The following QTMAN variants were observed in gnomAD, a reference collection of about 807,000 sequenced individuals.
QTMAN encodes the protein queuosine-tRNA mannosyltransferase.
At chr2:144,014,413 A>G in the QTMAN span, among the ~76,000 whole-genome samples, 1 of 152,166 alleles carries the variant, frequency 6.6e-6, no homozygotes, top group Non-Finnish European at 1.5e-5. Context: ...TAAAGCCAAC[A>G]TGAAATACAG....
At chr2:144,294,689 T>C in the QTMAN span, among the ~76,000 whole-genome samples, 1 of 152,168 alleles carries the variant, frequency 6.6e-6, no homozygotes. Context: ...TATAGCTATA[T>C]ATAAGTAATC....
At chr2:144,092,906 TG>T in the QTMAN span, among the ~76,000 whole-genome samples, 1 of 151,590 alleles carries the variant, frequency 6.6e-6, no homozygotes, top group Non-Finnish European at 1.5e-5. Flanking sequence ...TGTGTGTGTG[TG>T]TGTAGGAAAC....
the QTMAN span, among the ~76,000 whole-genome samples, chr2:144,321,066 T>C: frequency 2.0e-5 from 3 of 152,216 alleles, no homozygotes; most frequent in Admixed American, 6.5e-5. Flanking sequence ...ACATCTCTTA[T>C]GTTTTAGCAT....
chr2:144,249,760 C>G, the QTMAN span, among the ~76,000 whole-genome samples: 1 of 152,090 alleles, frequency 6.6e-6, no homozygotes, highest in Non-Finnish European at 1.5e-5. Flanking sequence ...GAGTGGACAA[C>G]GCAGAAAACT....
the QTMAN span, among the ~76,000 whole-genome samples, chr2:144,025,982 C>T: frequency 4.0e-5 from 6 of 149,762 alleles, no homozygotes; most frequent in East Asian, 1.3e-3. Context: ...CTCAGATCTT[C>T]TTCTTGTGGG....
chr2:143,949,897 C>G, the QTMAN span, among the ~76,000 whole-genome samples: 3 of 151,624 alleles, frequency 2.0e-5, no homozygotes, highest in Non-Finnish European at 4.4e-5. Flanking sequence ...ATCTGTGGTC[C>G]TTCCTGTGCT....
the QTMAN span, among the ~76,000 whole-genome samples, chr2:143,955,027 A>ATTAC: frequency 6.6e-6 from 1 of 152,178 alleles, no homozygotes; most frequent in African/African-American, 2.4e-5. Context: ...GCTTGGCTGA[A>ATTAC]TTACTTTTCT....
At chr2:144,049,927 T>C in the QTMAN span, among the ~76,000 whole-genome samples, 3 of 152,190 alleles carry the variant, frequency 2.0e-5, no homozygotes, top group African/African-American at 4.8e-5. Context: ...AGCAGGCACA[T>C]AGTAAGTTTA....
the QTMAN span, among the ~76,000 whole-genome samples, chr2:144,197,435 C>A: frequency 6.6e-6 from 1 of 151,978 alleles, no homozygotes; most frequent in Non-Finnish European, 1.5e-5. Flanking sequence ...AGAACATTTA[C>A]GTGCATGGAG....
chr2:143,968,220 T>C, the QTMAN span, among the ~76,000 whole-genome samples: 18 of 152,312 alleles, frequency 1.2e-4, no homozygotes, highest in South Asian at 3.7e-3. Context: ...GAAAAAAATC[T>C]CTGTTGCTAC....
At chr2:143,977,362 C>T in the QTMAN span, among the ~76,000 whole-genome samples, 1 of 152,108 alleles carries the variant, frequency 6.6e-6, no homozygotes, top group South Asian at 2.1e-4. Context: ...CCTCCTACAC[C>T]GTGTCTCCAC....
chr2:144,158,408 GTAGTGGA>G, the QTMAN span, among the ~76,000 whole-genome samples: 1 of 151,926 alleles, frequency 6.6e-6, no homozygotes, highest in African/African-American at 2.4e-5. Context: ...TCAACAGCAG[GTAGTGGA>G]TATGCTACCT....
chr2:144,193,551 C>T, the QTMAN span, among the ~76,000 whole-genome samples: 3 of 150,856 alleles, frequency 2.0e-5, no homozygotes, highest in South Asian at 4.2e-4. Flanking sequence ...GAGAAGGTCT[C>T]GCTCTGTCAC....
the QTMAN span, among the ~76,000 whole-genome samples, chr2:144,324,081 T>C: frequency 6.6e-6 from 1 of 152,194 alleles, no homozygotes; most frequent in Non-Finnish European, 1.5e-5. Context: ...GACTAAAACT[T>C]TGAATCAAAT....
the QTMAN span, among the ~76,000 whole-genome samples, chr2:144,049,793 CA>C: frequency 1.3e-5 from 2 of 152,034 alleles, no homozygotes; most frequent in Non-Finnish European, 2.9e-5. Context: ...CTCATGTAAA[CA>C]TCAGAGACCA....
chr2:144,048,203 T>C, the QTMAN span, among the ~76,000 whole-genome samples: 1 of 152,090 alleles, frequency 6.6e-6, no homozygotes, highest in Admixed American at 6.5e-5. Context: ...CTCAAACAAC[T>C]AGGGAGTAAC....
the QTMAN span, among the ~76,000 whole-genome samples, chr2:144,126,738 G>T: frequency 1.3e-5 from 2 of 151,898 alleles, no homozygotes; most frequent in Non-Finnish European, 2.9e-5. Context: ...GTTAAGTGGG[G>T]GTTTACTGTA....
At chr2:144,241,412 A>G in the QTMAN span, among the ~76,000 whole-genome samples, 42 of 152,194 alleles carry the variant, frequency 2.8e-4, no homozygotes, top group Admixed American at 2.7e-3. Context: ...CCATTTCTTT[A>G]ACGTCGAATG....
chr2:144,063,556 T>C, the QTMAN span, among the ~76,000 whole-genome samples: 14 of 152,358 alleles, frequency 9.2e-5, no homozygotes, highest in African/African-American at 3.4e-4. Flanking sequence ...GTGTACAATT[T>C]ATGTTGCTTA....
Sources: gnomAD v4.1 joint callset for allele counts (sites outside exome capture counted in the v4.1 genomes callset) on GRCh38, gnomAD v4.1.1 for gene constraint, MANE v1.5 for transcripts, NCBI Gene and HGNC (gene_info 2026-07-23, HGNC 2026-07-21) for gene names.